The following GLP1R variants were observed in gnomAD, a reference collection of about 807,000 sequenced individuals.
GLP1R encodes the protein glucagon like peptide 1 receptor.
GLP1R carries 32 observed loss-of-function variants against 68.4 expected under a neutral mutation model. The observed-to-expected ratio is 0.47, with a 90% CI of 0.35 to 0.63. The LOEUF (loss-of-function observed/expected upper bound fraction) is 0.63, where lower values mean the gene tolerates loss of function less well. Among genes scored for constraint, GLP1R ranks in the 20% least tolerant of loss-of-function variants. GLP1R has a pLI of 0.00. For missense variants in GLP1R, 502 were observed against 594.9 expected (o/e 0.84, Z 1.62); for synonymous variants, 263 against 244.4 (o/e 1.08, Z -0.71).
chr6:39,063,797 T>A (rs1385544436), intron 3 of GLP1R, among the ~76,000 whole-genome samples: 1 of 151,976 alleles, frequency 6.6e-6, no homozygotes, highest in Non-Finnish European at 1.5e-5. Flanking sequence ...CCCTGCCACA[T>A]TTTTTGCTAG....
intron 3 of GLP1R, among the ~76,000 whole-genome samples, chr6:39,062,929 G>C (rs762778232): frequency 1.3e-5 from 2 of 152,208 alleles, no homozygotes; most frequent in African/African-American, 2.4e-5. Context: ...TTCTGTGAAG[G>C]CACAGCCTAT....
rs10305421 is a variant in GLP1R at position 39,048,899 on chromosome 6, G to A, written c.59G>A (p.Arg20Lys). 6,846 of 1,440,018 alleles carry A rather than the reference G, an allele frequency of 4.8e-3. 26 individuals are homozygous for A. The highest frequency in any genetic ancestry group is 5.2e-3 in the Non-Finnish European group (5,731 of 1,100,006). 89.2% of individuals were successfully genotyped at this position (1,440,018 alleles called of 1,614,324 possible). Residue 20 changes from arginine to lysine, a missense_variant, in exon 1 of 13, where the codon AGG (arginine) becomes AAG (lysine). Arg to Lys is a conservative substitution (Grantham distance 26). Coordinates refer to ENST00000373256, the MANE Select transcript of GLP1R (RefSeq NM_002062.5). ...CTGCTGCTGCTCGGGATGGTGGGCA[G>A]GGCCGGCCCCCGCCCCCAGGTGAGA... ...LALLLLGMVG[R>K]AGPRPQGATV...
At chr6:39,057,721 C>A in intron 3 of GLP1R, 142 bp downstream of exon 3, 1 of 625,262 alleles carries the variant, frequency 1.6e-6, no homozygotes, top group Non-Finnish European at 2.9e-6. Flanking sequence ...GGTGAGCCCC[C>A]TCCCTGACCT....
Position 39,077,809 on chromosome 6 carries a change from T to C in GLP1R, c.824-513T>C, listed in dbSNP as rs530711552. On this transcript the variant is annotated intron_variant, in intron 7 of 12. Coordinates refer to ENST00000373256, the MANE Select transcript of GLP1R (RefSeq NM_002062.5). ...GCTGGCATCAAGGACTGGGCTCCTGTCTCCATTCCAGGATTCTGCCGAGCC... is the reference window on the plus strand; with the variant it reads ...GCTGGCATCAAGGACTGGGCTCCTGCCTCCATTCCAGGATTCTGCCGAGCC... Among the ~76,000 whole-genome samples, 10 of 152,268 alleles carry C rather than the reference T, an allele frequency of 6.6e-5. No individual in the cohort carries two copies. In the South Asian group the frequency reaches 1.9e-3, roughly 28 times the overall value.
intron 3 of GLP1R, among the ~76,000 whole-genome samples, chr6:39,058,682 A>G (rs1368926745): frequency 6.6e-6 from 1 of 152,104 alleles, no homozygotes; most frequent in Non-Finnish European, 1.5e-5. Context: ...CATCACCATC[A>G]TCATCGTCAT....
Position 39,087,321 on chromosome 6 carries a change from AT to A in GLP1R, c.*1250del, listed in dbSNP as rs1769176069. 6.6e-6 allele frequency: 1 copy of A among 152,242 alleles called. No individual in the cohort carries two copies. The highest frequency in any genetic ancestry group is 2.4e-5 in the African/African-American group (1 of 41,444). The allele number at this position is 152,242 out of a possible 1,614,324, so 9.4% of individuals were successfully genotyped here. A position where few individuals can be genotyped will look rare whatever the true frequency, so the allele number is the denominator to read the frequency against. ...TTTGACCCACTCACACTTGGAGCTA[AT>A]TAAGGTTTGCCCTGCCTGCAGCCTC... On this transcript the variant is annotated 3_prime_UTR_variant, in exon 13 of 13. Coordinates refer to ENST00000373256, the MANE Select transcript of GLP1R (RefSeq NM_002062.5).
intron 3 of GLP1R, among the ~76,000 whole-genome samples, chr6:39,063,408 G>A (rs961799400): frequency 1.3e-5 from 2 of 152,152 alleles, no homozygotes; most frequent in East Asian, 1.9e-4. Context: ...CTTCTCTGCC[G>A]TTGGGGGTAC....
rs1769176670 is a variant in GLP1R at position 39,087,350 on chromosome 6, C to T, written c.*1277C>T. On this transcript the variant is annotated 3_prime_UTR_variant, in exon 13 of 13. Coordinates refer to ENST00000373256, the MANE Select transcript of GLP1R (RefSeq NM_002062.5). The stretch of plus-strand genomic sequence containing the variant: ...AGGTTTGCCCTGCCTGCAGCCTCCC[C>T]CACAAATAATGAACAGCAGAAAGAC... The T allele has an allele frequency of 6.6e-6, 1 of 152,246 alleles. No homozygotes were observed. Among genetic ancestry groups the T allele is most frequent in the South Asian group, 2.1e-4 (1 of 4,816 alleles). 9.4% of individuals were successfully genotyped at this position (152,246 alleles called of 1,614,324 possible).
chr6:39,079,564 A>G lies in GLP1R; in HGVS notation c.1044A>G (p.Arg348=), dbSNP rs1768935521. The change falls in exon 11 of 13, where the codon AGA becomes AGG. Residue 348 remains arginine, a splice_region_variant and synonymous_variant. Coordinates refer to ENST00000373256, the MANE Select transcript of GLP1R (RefSeq NM_002062.5). This position sits in a 1 kb window ranked among gnomAD's most constrained non-coding sequence, Gnocchi z 4.5. ...TCGAGATCTCTGCCCTGCCCCTCAG[A>G]CTTGCCAAGTCCACGCTGACACTCA... is the stretch of plus-strand genomic sequence containing the variant. ...NLMCKTDIKC[R]LAKSTLTLIP... 6.3e-7 allele frequency: 1 copy of G among 1,589,988 alleles called. No individual in the cohort carries two copies. Among genetic ancestry groups the G allele is most frequent in the Non-Finnish European group, 8.5e-7 (1 of 1,170,268 alleles).
rs1042044 is a variant in GLP1R, at chr6:39,073,726, A to C, written c.780A>C (p.Leu260Phe). ...ACACACTGCTGGCCTTCTCGGTCTT[A>C]TCTGAGCAATGGATCTTCAGGCTCT... ...YLYTLLAFSV[L>F]SEQWIFRLYV... The change falls in exon 7 of 13, where the codon TTA becomes TTC. Residue 260 changes from leucine to phenylalanine, a missense_variant. Leu to Phe is a conservative substitution (Grantham distance 22). Coordinates refer to ENST00000373256, the MANE Select transcript of GLP1R (RefSeq NM_002062.5). 0.56 allele frequency: 908,991 copies of C among 1,613,212 alleles called. 257,118 individuals carry two copies. Among genetic ancestry groups the C allele is most frequent in the Admixed American group, 0.6 (36,180 of 60,004 alleles).
intron 7 of GLP1R, among the ~76,000 whole-genome samples, chr6:39,077,787 G>A (rs1275856238): frequency 1.3e-5 from 2 of 152,196 alleles, no homozygotes; most frequent in African/African-American, 4.8e-5. Context: ...TTGGTCAGCT[G>A]GCATCAAGGA....
chr6:39,061,279 C>G (rs1768351324), intron 3 of GLP1R, among the ~76,000 whole-genome samples: 1 of 152,318 alleles, frequency 6.6e-6, no homozygotes, highest in African/African-American at 2.4e-5. Flanking sequence ...GAGGAGAAGG[C>G]TGAAGTGGCT....
chr6:39,067,532 C>T (rs2150828751), intron 5 of GLP1R, among the ~76,000 whole-genome samples: 1 of 152,270 alleles, frequency 6.6e-6, no homozygotes. Flanking sequence ...AGGTACTAAT[C>T]CCATTCGTGA....
intron 3 of GLP1R, among the ~76,000 whole-genome samples, chr6:39,064,000 CTT>C (rs34132463): frequency 3.6e-4 from 40 of 112,048 alleles, no homozygotes; most frequent in Middle Eastern, 5.0e-3. Context: ...AGACTCAGTT[CTT>C]TTTTTTTTTT....
chr6:39,057,397 G>T (rs888437693), intron 2 of GLP1R, 75 bp from the exon 3 acceptor site: 2 of 898,622 alleles, frequency 2.2e-6, no homozygotes, highest in South Asian at 1.4e-5. Flanking sequence ...GGAGGGGAGG[G>T]GTCTTGGGGA....
chr6:39,079,977 C>T lies in GLP1R; in HGVS notation c.1182+275C>T, dbSNP rs9296286. Among the ~76,000 whole-genome samples the T allele has an allele frequency of 0.051, 7,708 of 152,188 alleles. 443 individuals are homozygous for T. Among genetic ancestry groups the T allele is most frequent in the African/African-American group, 0.14 (5,764 of 41,482 alleles). ...ATTGCAGCTGCCATCTACTTGGTGG[C>T]GAGCACCCTGCCAGGTGCTTTACAT... is the stretch of plus-strand genomic sequence containing the variant. On this transcript the variant is annotated intron_variant, in intron 11 of 12. Coordinates refer to ENST00000373256, the MANE Select transcript of GLP1R (RefSeq NM_002062.5). The surrounding 1 kb of genome is among the most constrained non-coding windows in gnomAD (Gnocchi z 4.5).
At chr6:39,064,584 G>A (rs1768446742) in intron 3 of GLP1R, among the ~76,000 whole-genome samples, 1 of 152,028 alleles carries the variant, frequency 6.6e-6, no homozygotes, top group South Asian at 2.1e-4. Flanking sequence ...TGGCCCTGGT[G>A]TCAAACTTAA....
intron 12 of GLP1R, among the ~76,000 whole-genome samples, chr6:39,083,624 G>A (rs1769067960): frequency 1.3e-5 from 2 of 152,072 alleles, no homozygotes; most frequent in Admixed American, 6.6e-5. Flanking sequence ...TGTGACCTGG[G>A]GCAAGTCATT....
chr6:39,051,353 G>T (rs1166304932), intron 1 of GLP1R, among the ~76,000 whole-genome samples: 1 of 152,162 alleles, frequency 6.6e-6, no homozygotes, highest in Non-Finnish European at 1.5e-5. Context: ...TGACCCATTT[G>T]TCCTTGGGGA....
Sources: allele counts gnomAD v4.1 joint callset (sites outside exome capture counted in the v4.1 genomes callset), GRCh38; gene constraint gnomAD v4.1.1; non-coding constraint Gnocchi (gnomAD v3.1); transcripts MANE v1.5; gene names NCBI Gene and HGNC (gene_info 2026-07-23, HGNC 2026-07-21).